CCDC171: variants seen among roughly 807,000 people sequenced by gnomAD.
CCDC171 encodes coiled-coil domain-containing protein 171.
CCDC171 carries 177 observed loss-of-function variants against 168.2 expected under a neutral mutation model. That is an observed-to-expected ratio of 1.05 (90% CI 0.93 to 1.19). The LOEUF is 1.19. CCDC171 is among the 50% of genes most tolerant of loss of function. The pLI is 0.00. For missense variants in CCDC171, 1,991 were observed against 1,539.0 expected (o/e 1.29, Z -4.91); for synonymous variants, 687 against 540.8 (o/e 1.27, Z -3.75).
intron 21 of CCDC171, among the ~76,000 whole-genome samples, chr9:15,800,315 G>A (rs996308339): frequency 3.3e-5 from 5 of 152,094 alleles, no homozygotes; most frequent in African/African-American, 4.8e-5. Context: ...TTTAACTGGA[G>A]TAAGATGATA....
chr9:16,088,874 T>C, the CCDC171 span, among the ~76,000 whole-genome samples: 1 of 152,106 alleles, frequency 6.6e-6, no homozygotes, highest in Non-Finnish European at 1.5e-5. Context: ...AAATTTCATA[T>C]GGAATCAAAA....
intron 18 of CCDC171, among the ~76,000 whole-genome samples, chr9:15,750,795 G>A (rs2055679116): frequency 6.6e-6 from 1 of 152,044 alleles, no homozygotes. Flanking sequence ...AATAAGAGCT[G>A]TTTATGACAA....
At chr9:15,775,265 C>G (rs144289430) in intron 18 of CCDC171, among the ~76,000 whole-genome samples, 229 of 152,330 alleles carry the variant, frequency 1.5e-3, no homozygotes, top group Non-Finnish European at 1.8e-3. Context: ...TAGAAGAATG[C>G]ATTGCAGAAT....
intron 11 of CCDC171, among the ~76,000 whole-genome samples, chr9:15,708,344 A>G (rs1199159590): frequency 6.6e-6 from 1 of 152,218 alleles, no homozygotes; most frequent in Non-Finnish European, 1.5e-5. Context: ...TGGGGAGAGT[A>G]TATATAATAC....
chr9:15,900,230 C>G (rs559413875), intron 24 of CCDC171, among the ~76,000 whole-genome samples: 67 of 152,264 alleles, frequency 4.4e-4, no homozygotes, highest in African/African-American at 1.5e-3. Flanking sequence ...TCAGGTGACT[C>G]CTTTCAAGAA....
chr9:15,816,474 A>G (rs2059565400), intron 21 of CCDC171, among the ~76,000 whole-genome samples: 1 of 119,002 alleles, frequency 8.4e-6, no homozygotes, highest in East Asian at 2.1e-4. Context: ...TGAGGCATGC[A>G]GTGACATTAT....
chr9:15,664,536 A>T (rs570083956), intron 8 of CCDC171, among the ~76,000 whole-genome samples: 3 of 125,664 alleles, frequency 2.4e-5, no homozygotes, highest in African/African-American at 8.4e-5. Flanking sequence ...GGCATGAGCC[A>T]CTGTGCTTGG....
intron 7 of CCDC171, among the ~76,000 whole-genome samples, chr9:15,651,430 G>C (rs908481001): frequency 6.7e-6 from 1 of 150,132 alleles, no homozygotes; most frequent in African/African-American, 2.5e-5. Flanking sequence ...TTTTTTAATA[G>C]AGATGAGATC....
chr9:15,769,457 T>C (rs1323411733), intron 18 of CCDC171, among the ~76,000 whole-genome samples: 1 of 152,184 alleles, frequency 6.6e-6, no homozygotes, highest in East Asian at 1.9e-4. Context: ...GAAAAAAACA[T>C]CTTGTTTCAC....
intron 24 of CCDC171, among the ~76,000 whole-genome samples, chr9:15,908,621 T>C (rs943189099): frequency 2.6e-5 from 4 of 152,184 alleles, no homozygotes; most frequent in Admixed American, 2.6e-4. Context: ...AACCTGCACG[T>C]TGTGCACCTG....
At chr9:15,941,388 A>C (rs896541578) in intron 25 of CCDC171, among the ~76,000 whole-genome samples, 8 of 151,946 alleles carry the variant, frequency 5.3e-5, no homozygotes, top group Admixed American at 1.3e-4. Context: ...TTTTCAGTTT[A>C]AACTTGTTTT....
At chr9:15,664,312 G>A (rs2048555808) in intron 8 of CCDC171, among the ~76,000 whole-genome samples, 1 of 152,108 alleles carries the variant, frequency 6.6e-6, no homozygotes, top group South Asian at 2.1e-4. Context: ...GCAGTGGTGC[G>A]ATCTTGGCTC....
At chr9:15,591,757 C>T (rs1255391701) in intron 5 of CCDC171, among the ~76,000 whole-genome samples, 1 of 151,720 alleles carries the variant, frequency 6.6e-6, no homozygotes, top group African/African-American at 2.4e-5. Context: ...GGGTGAAAAA[C>T]GGTTTGCGGT....
chr9:15,900,163 C>G (rs1821426516), intron 24 of CCDC171, among the ~76,000 whole-genome samples: 1 of 152,094 alleles, frequency 6.6e-6, no homozygotes, highest in African/African-American at 2.4e-5. Flanking sequence ...TAATGGATAC[C>G]ACTCCTGTGA....
At chr9:15,944,523 C>T (rs1342475193) in intron 25 of CCDC171, among the ~76,000 whole-genome samples, 1 of 151,904 alleles carries the variant, frequency 6.6e-6, no homozygotes, top group African/African-American at 2.4e-5. Flanking sequence ...TTACAACACT[C>T]TTATGGGGAT....
At chr9:15,986,725 C>T (rs1054707669) in intron 3 of CCDC171, among the ~76,000 whole-genome samples, 2 of 152,156 alleles carry the variant, frequency 1.3e-5, no homozygotes, top group African/African-American at 4.8e-5. Context: ...TTCTTGCTGA[C>T]TTACTCTTAG....
At chr9:15,578,820 A>G (rs757883415) in intron 3 of CCDC171, 29 bp from the exon 4 acceptor site, 13 of 1,584,926 alleles carry the variant, frequency 8.2e-6, no homozygotes, top group Non-Finnish European at 1.1e-5. Context: ...ATCTTTGGAC[A>G]CATGTTGATA....
chr9:15,683,712 T>C lies in CCDC171; in HGVS notation c.1215+4816T>C, dbSNP rs2133518836. On this transcript the variant is annotated intron_variant, in intron 10 of 25. Coordinates refer to ENST00000380701, the MANE Select transcript of CCDC171 (RefSeq NM_173550.4). ...CATTAAGCCTTTTGAAATTTATTTC[T>C]ATGCAAATTAGTAAATTTTGAAAAT... Among the ~76,000 whole-genome samples the C allele has an allele frequency of 2.0e-5, 3 of 152,246 alleles. 1 individual carries two copies. In the South Asian group the frequency reaches 6.2e-4, roughly 32 times the overall value.
intron 24 of CCDC171, chr9:15,875,186 AT>A (rs1817682743): frequency 6.6e-6 from 1 of 152,166 alleles, no homozygotes; most frequent in Non-Finnish European, 1.5e-5. Flanking sequence ...ATTGAAGAGT[AT>A]TTTACCCTTT....
Sources: allele counts gnomAD v4.1 joint callset (sites outside exome capture counted in the v4.1 genomes callset), GRCh38; gene constraint gnomAD v4.1.1; transcripts MANE v1.5; gene names NCBI Gene and HGNC (gene_info 2026-07-23, HGNC 2026-07-21).